CORO2B: variants seen among roughly 807,000 people sequenced by gnomAD.
CORO2B encodes the protein coronin 2B, also known as coronin-2B.
Under a neutral mutation model 58.8 loss-of-function variants are expected in CORO2B, and 26 were observed. The observed-to-expected ratio is 0.44, with a 90% confidence interval of 0.32 to 0.61. The LOEUF (loss-of-function observed/expected upper bound fraction) is 0.61. Among genes scored for constraint, CORO2B ranks in the 20% least tolerant of loss-of-function variants. The probability of loss-of-function intolerance (pLI) is 0.04; values close to 1 mark genes in which losing one functional copy is unlikely to be tolerated. For missense variants in CORO2B, 460 were observed against 645.1 expected, an observed-to-expected ratio of 0.71 and a Z score of 3.11; for synonymous variants, 242 against 253.8, an observed-to-expected ratio of 0.95 and a Z score of 0.44.
intron 1 of CORO2B, among the ~76,000 whole-genome samples, chr15:68,622,801 T>G (rs1368480971): frequency 6.6e-6 from 1 of 152,196 alleles, no homozygotes; most frequent in Non-Finnish European, 1.5e-5. Context: ...TTGTTGACCT[T>G]AACTCACAAC....
chr15:68,528,608 ATCTGTATGTAGTTTTAT>A, the CORO2B span, among the ~76,000 whole-genome samples: 1 of 150,610 alleles, frequency 6.6e-6, no homozygotes, highest in Non-Finnish European at 1.5e-5. Flanking sequence ...TTTTGGTAAT[ATCTGTATGTAGTTTTAT>A]TTGTATTGGG....
At chr15:68,602,451 G>T (rs1014192353) in intron 1 of CORO2B, among the ~76,000 whole-genome samples, 1 of 119,644 alleles carries the variant, frequency 8.4e-6, no homozygotes. Flanking sequence ...ACACACACAC[G>T]TTTTACCTAC....
intron 1 of CORO2B, among the ~76,000 whole-genome samples, chr15:68,624,553 G>A (rs777397036): frequency 2.0e-5 from 3 of 152,140 alleles, no homozygotes; most frequent in Admixed American, 6.5e-5. Context: ...ACTAATATAT[G>A]ATGTATTAGT....
intron 3 of CORO2B, among the ~76,000 whole-genome samples, chr15:68,708,360 T>C (rs979165132): frequency 4.3e-4 from 60 of 140,686 alleles, no homozygotes; most frequent in Middle Eastern, 3.6e-3. Context: ...TTTTCTTCTT[T>C]TTTTTTTTTT....
chr15:68,700,942 C>T lies in CORO2B; in HGVS notation c.333+5686C>T, dbSNP rs574477080. Among the ~76,000 whole-genome samples, 7 of 152,246 alleles carry T rather than the reference C, an allele frequency of 4.6e-5. No homozygotes were observed. In the South Asian group the frequency reaches 1.5e-3, roughly 32 times the overall value. On this transcript the variant is annotated intron_variant, in intron 3 of 11. Coordinates refer to ENST00000261861, the MANE Select transcript of CORO2B (RefSeq NM_006091.5). ...TCCTTTGCCTTTTATTCAAGCTCTT[C>T]CATCCTGTGTCTGCTCTCCTCACCC...
Position 68,579,242 on chromosome 15 carries a change from G to C in CORO2B, c.-21G>C, listed in dbSNP as rs1899353879. The C allele has an allele frequency of 8.5e-7, 1 of 1,170,558 alleles. No homozygotes were observed. The highest frequency in any genetic ancestry group is 4.3e-5 in the Admixed American group (1 of 23,286). The allele number at this position is 1,170,558 out of a possible 1,614,324, so 72.5% of individuals were successfully genotyped here. On this transcript the variant is annotated 5_prime_UTR_variant, in exon 1 of 12. Transcript: ENST00000261861. ...CCCCGCACGCCGCGCCCGCGCCCCC[G>C]CTCCGCCGCGGAGTTTCTGCATGAC...
intron 1 of CORO2B, among the ~76,000 whole-genome samples, chr15:68,591,486 G>T (rs1369641916): frequency 6.6e-6 from 1 of 152,204 alleles, no homozygotes; most frequent in Non-Finnish European, 1.5e-5. Flanking sequence ...TCATTGTGTG[G>T]TGTTGCTGGG....
At chr15:68,602,503 G>A (rs976246174) in intron 1 of CORO2B, among the ~76,000 whole-genome samples, 2 of 151,930 alleles carry the variant, frequency 1.3e-5, no homozygotes, top group Non-Finnish European at 2.9e-5. Context: ...AGGTCACTAA[G>A]AGAGAGATGA....
chr15:68,702,626 C>A (rs1251192148), intron 3 of CORO2B, among the ~76,000 whole-genome samples: 1 of 151,976 alleles, frequency 6.6e-6, no homozygotes, highest in African/African-American at 2.4e-5. Flanking sequence ...CTCCAGGAGC[C>A]TCCTGGCCCC....
intron 2 of CORO2B, among the ~76,000 whole-genome samples, chr15:68,693,193 G>A (rs1005309320): frequency 2.6e-5 from 4 of 152,012 alleles, no homozygotes; most frequent in Non-Finnish European, 5.9e-5. Context: ...CTCCAGTCCT[G>A]TTTTTTCCTC....
At chr15:68,622,454 A>G (rs1039194657) in intron 1 of CORO2B, among the ~76,000 whole-genome samples, 3 of 152,216 alleles carry the variant, frequency 2.0e-5, no homozygotes, top group Non-Finnish European at 4.4e-5. Context: ...AGGATTCTCC[A>G]GTGTCATTCA....
rs764046863 is a variant in CORO2B at position 68,631,871 on chromosome 15, A to G, written c.16-13289A>G. ...CAGCCCCTCCTGAGCTGCCAGGAGG[A>G]GGTGCTCCTCGCAGTCAGTGTAAAT... is the stretch of plus-strand genomic sequence containing the variant. On this transcript the variant is annotated intron_variant, in intron 1 of 11. Transcript: ENST00000261861. 6.2e-4 allele frequency: 539 copies of G among 862,710 alleles called. 1 individual carries two copies. The highest frequency in any genetic ancestry group is 1.4e-3 in the South Asian group (26 of 18,788). The allele number at this position is 862,710 out of a possible 1,614,324, so 53.4% of individuals were successfully genotyped here.
At chr15:68,597,945 G>T (rs892616736) in intron 1 of CORO2B, among the ~76,000 whole-genome samples, 13 of 152,316 alleles carry the variant, frequency 8.5e-5, no homozygotes, top group African/African-American at 3.1e-4. Context: ...TGACGTTTTG[G>T]AAGTTGATGA....
At chr15:68,524,900 G>A in the CORO2B span, among the ~76,000 whole-genome samples, 2 of 152,210 alleles carry the variant, frequency 1.3e-5, no homozygotes, top group Non-Finnish European at 2.9e-5. Flanking sequence ...CCCAGCCTGA[G>A]CCTAGCCCTT....
At chr15:68,696,257 A>G (rs1892507874) in intron 3 of CORO2B, among the ~76,000 whole-genome samples, 1 of 151,542 alleles carries the variant, frequency 6.6e-6, no homozygotes, top group African/African-American at 2.4e-5. Context: ...CTCAAAAAAA[A>G]AAAAAAAGAG....
intron 2 of CORO2B, among the ~76,000 whole-genome samples, chr15:68,673,163 G>C (rs938946015): frequency 2.6e-5 from 4 of 152,142 alleles, no homozygotes; most frequent in Non-Finnish European, 5.9e-5. Context: ...AGCAGTAACT[G>C]AAAGGGGTGT....
At chr15:68,523,858 T>C in the CORO2B span, among the ~76,000 whole-genome samples, 2 of 152,202 alleles carry the variant, frequency 1.3e-5, no homozygotes, top group Non-Finnish European at 2.9e-5. Flanking sequence ...TCCTTTTTTT[T>C]CTCCAAAATC....
rs1306278127 is a variant in CORO2B at position 68,579,318 on chromosome 15, C to T, written c.15+41C>T. 5.5e-6 allele frequency: 7 copies of T among 1,272,246 alleles called. No individual in the cohort carries two copies. The African/African-American group carries it at 9.4e-5, about 17-fold the overall frequency. 78.8% of individuals were successfully genotyped at this position (1,272,246 alleles called of 1,614,324 possible). ...CCGCCGCGCCCGGGACCCGCCGGCG[C>T]CTGCATCCCCCGGGCTAGGCTGCGG... On this transcript the variant is annotated intron_variant, in intron 1 of 11. Transcript: ENST00000261861.
At chr15:68,620,834 G>A (rs1435041959) in intron 1 of CORO2B, among the ~76,000 whole-genome samples, 1 of 152,232 alleles carries the variant, frequency 6.6e-6, no homozygotes, top group Non-Finnish European at 1.5e-5. Flanking sequence ...CCCACTGTGC[G>A]TGTCAGGCAG....
Sources: allele counts gnomAD v4.1 joint callset (sites outside exome capture counted in the v4.1 genomes callset), GRCh38; gene constraint gnomAD v4.1.1; transcripts MANE v1.5; gene names NCBI Gene and HGNC (gene_info 2026-07-23, HGNC 2026-07-21).